The following SOX5 variants were observed in gnomAD, a reference collection of about 807,000 sequenced individuals.
SOX5 encodes the protein SRY-box transcription factor 5, also known as transcription factor SOX-5.
SOX5 carries 9 observed loss-of-function variants against 92.0 expected under a neutral mutation model. The ratio of observed to expected loss-of-function variants is 0.10; its 90% CI spans 0.06 to 0.17. The LOEUF is 0.17. Among genes scored for constraint, SOX5 ranks in the 10% least tolerant of loss-of-function variants. The probability of loss-of-function intolerance (pLI) is 1.00; values close to 1 mark genes in which losing one functional copy is unlikely to be tolerated. For missense variants in SOX5, 642 were observed against 944.5 expected, an observed-to-expected ratio of 0.68 and a Z score of 4.20; for synonymous variants, 344 against 336.3, an observed-to-expected ratio of 1.02 and a Z score of -0.25.
rs144420654 is a variant in SOX5 at position 24,064,584 on chromosome 12, T to C, written c.-2+148759A>G. On this transcript the variant is annotated intron_variant, in intron 4 of 4. Coordinates refer to the SOX5 transcript ENST00000446891. ...AATAAAATACAATATAATTTTTAAA[T>C]AAAATTGAATCCATAATCAATTTAT... 1.1e-4 allele frequency among the ~76,000 whole-genome samples: 17 copies of C among 152,338 alleles called. No individual in the cohort carries two copies. In the East Asian group the frequency reaches 3.3e-3, roughly 29 times the overall value.
chr12:24,551,557 G>C (rs1953170604), intron 1 of SOX5, among the ~76,000 whole-genome samples: 1 of 152,208 alleles, frequency 6.6e-6, no homozygotes, highest in Non-Finnish European at 1.5e-5. Context: ...AATATTTGCT[G>C]AGTGCTACAA....
chr12:24,557,488 C>T (rs1046952308), intron 1 of SOX5, among the ~76,000 whole-genome samples: 3 of 151,542 alleles, frequency 2.0e-5, no homozygotes, highest in African/African-American at 7.3e-5. Flanking sequence ...CTCTAAATAA[C>T]GTTTTGGATG....
intron 4 of SOX5, among the ~76,000 whole-genome samples, chr12:24,178,961 C>T (rs1565598358): frequency 6.6e-6 from 1 of 152,078 alleles, no homozygotes; most frequent in African/African-American, 2.4e-5. Flanking sequence ...GTATATATAA[C>T]CATCTGAAAT....
At chr12:24,323,501 T>A (rs1411342780) in intron 2 of SOX5, among the ~76,000 whole-genome samples, 5 of 151,996 alleles carry the variant, frequency 3.3e-5, no homozygotes, top group African/African-American at 9.7e-5. Context: ...AAAAGCAGCT[T>A]TTTTATAATG....
chr12:23,912,918 TG>T (rs1330481580), intron 1 of SOX5, among the ~76,000 whole-genome samples: 1 of 152,186 alleles, frequency 6.6e-6, no homozygotes, highest in Non-Finnish European at 1.5e-5. Context: ...AATTAGATTG[TG>T]GTGATGACTG....
At chr12:23,973,669 A>T (rs574276050) in intron 4 of SOX5, among the ~76,000 whole-genome samples, 1 of 152,296 alleles carries the variant, frequency 6.6e-6, no homozygotes, top group African/African-American at 2.4e-5. Context: ...AATCCTGTAT[A>T]CCAGGGGTCC....
intron 2 of SOX5, among the ~76,000 whole-genome samples, chr12:24,325,681 A>T (rs1950611827): frequency 2.0e-5 from 3 of 152,248 alleles, no homozygotes; most frequent in South Asian, 4.1e-4. Context: ...GACATGTTTT[A>T]GATATGATAT....
chr12:23,976,201 T>A lies in SOX5; in HGVS notation c.-1-80177A>T, dbSNP rs775342712. On this transcript the variant is annotated intron_variant, in intron 4 of 4. Coordinates refer to the SOX5 transcript ENST00000446891. ...TCTCCGAGATGATTAAAGAAAAAAATTCTGTCTGGAATTAAATAAACCTAA... is the reference window on the plus strand; with the variant it reads ...TCTCCGAGATGATTAAAGAAAAAAAATCTGTCTGGAATTAAATAAACCTAA... Among the ~76,000 whole-genome samples, 8 of 151,656 alleles carry A rather than the reference T, an allele frequency of 5.3e-5. No homozygotes were observed. The East Asian group carries it at 9.7e-4, about 18-fold the overall frequency.
chr12:23,683,439 G>A (rs2086970742), intron 6 of SOX5, among the ~76,000 whole-genome samples: 2 of 151,924 alleles, frequency 1.3e-5, no homozygotes. Flanking sequence ...AAATGTCAGT[G>A]TATCACTCAT....
At chr12:24,035,717 T>C (rs1179991618) in intron 4 of SOX5, among the ~76,000 whole-genome samples, 1 of 152,276 alleles carries the variant, frequency 6.6e-6, no homozygotes, top group African/African-American at 2.4e-5. Flanking sequence ...TCCCTCACTA[T>C]GTATAGTTGA....
intron 1 of SOX5, among the ~76,000 whole-genome samples, chr12:23,921,199 C>G (rs1252739060): frequency 6.6e-6 from 1 of 152,056 alleles, no homozygotes; most frequent in South Asian, 2.1e-4. Flanking sequence ...TCAACAGGAG[C>G]AGTGCATCAA....
At position 24,229,110 on chromosome 12, in the gene SOX5, C is replaced by T. The variant is rs556282056; in HGVS notation, c.-76-15693G>A. 3.9e-4 allele frequency among the ~76,000 whole-genome samples: 59 copies of T among 152,322 alleles called. No individual in the cohort carries two copies. In the South Asian group the frequency reaches 0.011, roughly 29 times the overall value. On this transcript the variant is annotated intron_variant, in intron 3 of 4. Transcript: ENST00000446891. ...CTGTAGTGCAGCCACACCACCTGAC[C>T]GCTTGGGTTGTGGATGGCACACGTT...
intron 7 of SOX5, among the ~76,000 whole-genome samples, chr12:23,657,420 A>G (rs2082448702): frequency 6.6e-6 from 1 of 152,118 alleles, no homozygotes; most frequent in South Asian, 2.1e-4. Flanking sequence ...GAAAATATAT[A>G]TCTATTGTAG....
chr12:24,465,375 A>T (rs114582152), intron 1 of SOX5, among the ~76,000 whole-genome samples: 177 of 152,292 alleles, frequency 1.2e-3, no homozygotes, highest in African/African-American at 4.0e-3. Flanking sequence ...CTCAACTACA[A>T]CTATGAAGTA....
intron 3 of SOX5, among the ~76,000 whole-genome samples, chr12:24,255,611 A>C (rs1043171779): frequency 6.6e-6 from 1 of 152,134 alleles, no homozygotes; most frequent in Non-Finnish European, 1.5e-5. Context: ...GCAGCTAGGG[A>C]ATTAGGTAGG....
At chr12:24,524,458 T>A (rs988948173) in intron 1 of SOX5, among the ~76,000 whole-genome samples, 6 of 152,012 alleles carry the variant, frequency 3.9e-5, no homozygotes, top group African/African-American at 1.5e-4. Context: ...TAATACACTC[T>A]ATGTCTGTTA....
At chr12:24,305,180 T>G (rs1183328121) in intron 2 of SOX5, among the ~76,000 whole-genome samples, 2 of 152,204 alleles carry the variant, frequency 1.3e-5, no homozygotes, top group African/African-American at 4.8e-5. Context: ...ATAATTATGT[T>G]AAATAGTAGA....
chr12:23,681,138 A>G (rs2086560254), intron 6 of SOX5, among the ~76,000 whole-genome samples: 1 of 152,060 alleles, frequency 6.6e-6, no homozygotes, highest in African/African-American at 2.4e-5. Context: ...AAAACAAGAG[A>G]GGAGTAGCCA....
intron 7 of SOX5, among the ~76,000 whole-genome samples, chr12:23,654,496 A>C (rs969810792): frequency 2.6e-5 from 4 of 152,236 alleles, no homozygotes; most frequent in Non-Finnish European, 5.9e-5. Flanking sequence ...AAACAAAATC[A>C]TTCTTCACTG....
Sources: gnomAD v4.1 joint callset for allele counts (sites outside exome capture counted in the v4.1 genomes callset) on GRCh38, gnomAD v4.1.1 for gene constraint, MANE v1.5 for transcripts, NCBI Gene and HGNC (gene_info 2026-07-23, HGNC 2026-07-21) for gene names.